MYH11: variants seen among roughly 807,000 people sequenced by gnomAD.
The protein encoded by MYH11 is myosin-11.
Under a neutral mutation model 246.6 loss-of-function variants are expected in MYH11, and 80 were observed. That is an observed-to-expected ratio of 0.32 (90% confidence interval 0.27 to 0.39). The LOEUF is 0.39. Ranked by LOEUF, MYH11 falls within the 10% of genes least tolerant of loss-of-function variation. MYH11 has a pLI of 1.00. For missense variants in MYH11, 2,158 were observed against 2,546.8 expected (o/e 0.85, Z 3.29); for synonymous variants, 1,071 against 1,015.5 (o/e 1.05, Z -1.04).
At chr16:15,812,289 T>TGCGGCTA (rs892296447) in intron 3 of MYH11, among the ~76,000 whole-genome samples, 9 of 152,266 alleles carry the variant, frequency 5.9e-5, no homozygotes, top group Admixed American at 2.0e-4. Flanking sequence ...TAATAGCTCT[T>TGCGGCTA]GCGGCTAGCG....
chr16:15,741,589 C>T lies in MYH11; in HGVS notation c.2733G>A (p.Val911=), dbSNP rs200531561. The change falls in exon 22 of 41, where the codon GTG becomes GTA. Residue 911 remains valine (V), a synonymous_variant. Transcript: ENST00000300036. ...GCTCCTGCTTCTTGGCCGCCAGCCG[C>T]ACCCGCATCTCCTCAGCCTCTGCAT... ...ELYAEAEEMR[V]RLAAKKQELE... is the part of the protein sequence containing the mutation. The T allele has an allele frequency of 8.9e-5, 143 of 1,612,594 alleles. No individual in the cohort carries two copies. The highest frequency in any genetic ancestry group is 2.3e-4 in the South Asian group (21 of 91,096).
chr16:15,806,298 A>G (rs1663359125), intron 3 of MYH11, among the ~76,000 whole-genome samples: 1 of 86,622 alleles, frequency 1.2e-5, no homozygotes, highest in Non-Finnish European at 2.5e-5. Context: ...AAAAAAAAAA[A>G]AAAAAAAAAA....
chr16:15,718,273 A>G (rs948501309), intron 37 of MYH11, 42 bp downstream of exon 37: 1 of 1,605,216 alleles, frequency 6.2e-7, no homozygotes. Context: ...GCTGCAGGAG[A>G]GACAGTAGGC....
At chr16:15,776,034 G>C in intron 8 of MYH11, 44 bp downstream of exon 8, 9 of 1,403,124 alleles carry the variant, frequency 6.4e-6, no homozygotes, top group Non-Finnish European at 9.1e-6. Flanking sequence ...TGATGAAAGG[G>C]AAGGCTCAAG....
chr16:15,730,422 G>T (rs1225209333), intron 27 of MYH11, among the ~76,000 whole-genome samples: 4 of 150,804 alleles, frequency 2.7e-5, no homozygotes, highest in Non-Finnish European at 4.4e-5. Context: ...TGTGCCTGTA[G>T]TCCCAGCTAC....
chr16:15,708,633 T>C (rs1247765395), intron 40 of MYH11, among the ~76,000 whole-genome samples: 1 of 152,184 alleles, frequency 6.6e-6, no homozygotes, highest in Admixed American at 6.5e-5. Context: ...GTCATCCTGA[T>C]CTTGGTTTCA....
Position 15,715,497 on chromosome 16 carries a change from C to T in MYH11, c.5505-225G>A, listed in dbSNP as rs181763293. 2.0e-4 allele frequency among the ~76,000 whole-genome samples: 30 copies of T among 152,344 alleles called. No homozygotes were observed. The East Asian group carries it at 4.0e-3, about 21-fold the overall frequency. On this transcript the variant is annotated intron_variant, in intron 38 of 40. Transcript: ENST00000300036. ...GGAATTCTTGCCAAGTGAAAGAAGA[C>T]ACATAGCAGACAACATAGTGTGTGA... is the stretch of plus-strand genomic sequence containing the variant.
rs775135568 is a variant in MYH11, at chr16:15,737,482, T to C, written c.3260A>G (p.Lys1087Arg). 1.2e-6 allele frequency: 2 copies of C among 1,613,748 alleles called. No individual in the cohort carries two copies. Among genetic ancestry groups the C allele is most frequent in the South Asian group, 2.2e-5 (2 of 91,090 alleles). ...GGCCGCCTGCAGCTCCTCCTCCTTC[T>C]TGGCCAGCTGCATCTTGAGCTCTGC... is the stretch of plus-strand genomic sequence containing the variant. ...QIAELKMQLA[K>R]KEEELQAALA... is the part of the protein sequence containing the mutation. Residue 1087 changes from lysine to arginine, a missense_variant, in exon 25 of 41, where the codon AAG becomes AGG. Coordinates refer to ENST00000300036, the MANE Select transcript of MYH11 (RefSeq NM_002474.3).
rs2151296120 is a variant in MYH11, at chr16:15,776,131, C to T, written c.836G>A (p.Arg279Lys). The part of the protein sequence containing the change: ...SRAIRQARDE[R>K]TFHIFYYMIA... ...CATGTAGTAAAAGATGTGGAATGTC[C>T]TCTCGTCTCTGGCTTGGCGAATTGC... The change falls in exon 8 of 41, where the codon AGG becomes AAG. Residue 279 changes from arginine to lysine, a missense_variant. Around this residue, in one of 11 missense-constraint regions of MYH11, gnomAD observed 123 missense variants for 207.1 expected, o/e 0.59. Transcript: ENST00000300036. The T allele has an allele frequency of 6.2e-7, 1 of 1,614,108 alleles. No individual in the cohort carries two copies.
At chr16:15,839,105 G>A (rs2043984387) in intron 1 of MYH11, among the ~76,000 whole-genome samples, 2 of 151,114 alleles carry the variant, frequency 1.3e-5, no homozygotes, top group Non-Finnish European at 2.9e-5. Flanking sequence ...AGCTACTTGG[G>A]AGGCTGAGGT....
chr16:15,718,251 G>C (rs555822093), intron 37 of MYH11, 64 bp downstream of exon 37: 11 of 1,602,408 alleles, frequency 6.9e-6, no homozygotes, highest in Middle Eastern at 1.7e-4. Context: ...GTGTTGACTG[G>C]TGCAGGATCC....
intron 2 of MYH11, among the ~76,000 whole-genome samples, chr16:15,824,757 G>T (rs1240795036): frequency 6.6e-6 from 1 of 152,184 alleles, no homozygotes; most frequent in African/African-American, 2.4e-5. Flanking sequence ...ACCACCCTCT[G>T]ATCTCTTTCT....
At chr16:15,704,265 AATAAG>A in intron 40 of MYH11, 142 bp from the exon 41 acceptor site, 1 of 877,340 alleles carries the variant, frequency 1.1e-6, no homozygotes, top group South Asian at 1.5e-5. Context: ...ACACGGCACA[AATAAG>A]ATGCAGATAT....
At position 15,827,551 on chromosome 16, in the gene MYH11, A is replaced by G. The variant is rs554514779; in HGVS notation, c.346-4140T>C. ...TGGGAGTGGGGGGCTGCCTGCCTGG[A>G]CACCCCTCTTCCCCATTCCATCACC... On this transcript the variant is annotated intron_variant, in intron 2 of 40. Coordinates refer to ENST00000300036, the MANE Select transcript of MYH11 (RefSeq NM_002474.3). 2.0e-5 allele frequency among the ~76,000 whole-genome samples: 3 copies of G among 152,200 alleles called. No individual in the cohort carries two copies. In the South Asian group the frequency reaches 6.2e-4, roughly 32 times the overall value.
At position 15,721,038 on chromosome 16, in the gene MYH11, T is replaced by G. The variant is rs2151208984; in HGVS notation, c.4592A>C (p.Glu1531Ala). The G allele has an allele frequency of 6.2e-7, 1 of 1,613,996 alleles. No homozygotes were observed. Among genetic ancestry groups the G allele is most frequent in the East Asian group, 2.2e-5 (1 of 44,854 alleles). ...DDVGKNVHELEKSKRALETQM... is the reference protein window; with the variant it reads ...DDVGKNVHELAKSKRALETQM... ...GGTCTCCAGGGCCCGCTTGGACTTC[T>G]CCAGCTCATGGACCTGCCGGCAGAG... The change falls in exon 33 of 41, where the codon GAG becomes GCG. Residue 1531 changes from glutamate to alanine, a missense_variant. Coordinates refer to ENST00000300036, the MANE Select transcript of MYH11 (RefSeq NM_002474.3).
intron 3 of MYH11, among the ~76,000 whole-genome samples, chr16:15,819,115 T>G (rs964545799): frequency 3.3e-5 from 5 of 152,124 alleles, no homozygotes; most frequent in Non-Finnish European, 7.3e-5. Flanking sequence ...CCTCAAGTGA[T>G]CCTCCTGCCT....
chr16:15,835,746 ATTTT>A lies in MYH11; in HGVS notation c.345+2158_345+2161del, dbSNP rs386384349. On this transcript the variant is annotated intron_variant, in intron 2 of 40. Coordinates refer to ENST00000300036, the MANE Select transcript of MYH11 (RefSeq NM_002474.3). ...TAACCCACTCCATGAAGCTGGTACT[ATTTT>A]TTTTTTTTTTTTTTTTTGAAACAGA... Among the ~76,000 whole-genome samples, 1,053 of 132,080 alleles carry A rather than the reference ATTTT, an allele frequency of 8.0e-3. 9 individuals carry two copies. Among genetic ancestry groups the A allele is most frequent in the African/African-American group, 0.024 (836 of 35,562 alleles). 86.6% of individuals were successfully genotyped at this position (132,080 alleles called of 152,430 possible). A position where few individuals can be genotyped will look rare whatever the true frequency, so the allele number is the denominator to read the frequency against.
chr16:15,810,939 CAA>C (rs1012369211), intron 3 of MYH11, among the ~76,000 whole-genome samples: 5 of 152,238 alleles, frequency 3.3e-5, no homozygotes, highest in African/African-American at 9.6e-5. Flanking sequence ...GATATTCAAC[CAA>C]AGATATTTAA....
At chr16:15,735,838 G>A (rs1460292051) in intron 25 of MYH11, among the ~76,000 whole-genome samples, 1 of 152,266 alleles carries the variant, frequency 6.6e-6, no homozygotes. Flanking sequence ...GTGCATGTGT[G>A]TGCAAGAATG....
Sources: gnomAD v4.1 joint callset for allele counts (sites outside exome capture counted in the v4.1 genomes callset) on GRCh38, gnomAD v4.1.1 for gene constraint, gnomAD v4.1.1 regional missense constraint, MANE v1.5 for transcripts, NCBI Gene and HGNC (gene_info 2026-07-23, HGNC 2026-07-21) for gene names.